SLC25A37: variants seen among roughly 807,000 people sequenced by gnomAD.
SLC25A37 encodes the protein mitoferrin-1.
A neutral mutation model predicts 31.0 loss-of-function variants in SLC25A37; 17 were observed. That is an observed-to-expected ratio of 0.55 (90% confidence interval 0.38 to 0.82). The LOEUF is 0.82. Ranked by LOEUF, SLC25A37 falls within the 40% of genes least tolerant of loss-of-function variation. SLC25A37 has a pLI of 0.00. For missense variants in SLC25A37, 404 were observed against 465.8 expected (o/e 0.87, Z 1.22); for synonymous variants, 222 against 193.0 (o/e 1.15, Z -1.24).
chr8:23,532,521 A>G (rs992502788), intron 1 of SLC25A37, among the ~76,000 whole-genome samples: 2 of 152,202 alleles, frequency 1.3e-5, no homozygotes, highest in Admixed American at 1.3e-4. Flanking sequence ...AATTCCAACC[A>G]GATTAGGCAC....
Position 23,566,300 on chromosome 8 carries a change from G to C in SLC25A37, c.403G>C (p.Val135Leu). 1 of 1,594,854 alleles carries C rather than the reference G, an allele frequency of 6.3e-7. No individual in the cohort carries two copies. Among genetic ancestry groups the C allele is most frequent in the Non-Finnish European group, 8.5e-7 (1 of 1,172,952 alleles). ...YENMKRTLND[V>L]FHHQGNSHLA... ...AAACATGAAAAGGACTTTAAATGAC[G>C]TTTTCCACCACCAAGGAAACAGCCA... Residue 135 changes from valine (V) to leucine (L), a missense_variant, in exon 2 of 4, where the codon GTT becomes CTT. By Grantham distance (32) the Val-to-Leu change is conservative (BLOSUM62 1). Transcript: ENST00000519973.
intron 1 of SLC25A37, among the ~76,000 whole-genome samples, chr8:23,538,028 T>G (rs1240010877): frequency 6.6e-6 from 1 of 150,986 alleles, no homozygotes; most frequent in Admixed American, 6.6e-5. Context: ...ATTGGTTGAA[T>G]GAAGGAAGGC....
At position 23,566,404 on chromosome 8, in the gene SLC25A37, C is replaced by T. The variant is rs566987315; in HGVS notation, c.439+68C>T. On this transcript the variant is annotated intron_variant, in intron 2 of 3. Transcript: ENST00000519973. ...TCAACACGTCCCTCCCCAGGGTGTT[C>T]CTCCCTGTGACCCAGCCGCCTCGAC... 60 of 1,538,812 alleles carry T rather than the reference C, an allele frequency of 3.9e-5. 2 individuals carry two copies. In the South Asian group the frequency reaches 4.4e-4, roughly 11 times the overall value.
chr8:23,552,050 ACC>A (rs1243480322), intron 1 of SLC25A37, among the ~76,000 whole-genome samples: 13 of 152,124 alleles, frequency 8.5e-5, no homozygotes. Flanking sequence ...TTCAATTCAA[ACC>A]TGCAATACTG....
chr8:23,552,722 A>C (rs1023692333), intron 1 of SLC25A37, among the ~76,000 whole-genome samples: 1 of 152,138 alleles, frequency 6.6e-6, no homozygotes, highest in Non-Finnish European at 1.5e-5. Flanking sequence ...GGTTGAACGC[A>C]GTTTCTTTGA....
rs1801620551 is a variant in SLC25A37 at position 23,529,489 on chromosome 8, G to C, written c.210+277G>C. On this transcript the variant is annotated intron_variant, in intron 1 of 3. Coordinates refer to ENST00000519973, the MANE Select transcript of SLC25A37 (RefSeq NM_016612.4). This position sits in a 1 kb window ranked among gnomAD's most constrained non-coding sequence, Gnocchi z 4.1. ...TGGCGGCGCTGAGGCGGGGGAGGCG[G>C]AGTGGCGAGCACCGCTGGCTTCGGC... Among the ~76,000 whole-genome samples, 1 of 151,924 alleles carries C rather than the reference G, an allele frequency of 6.6e-6. No homozygotes were observed. The highest frequency in any genetic ancestry group is 1.5e-5 in the Non-Finnish European group (1 of 67,918).
rs1801619795 is a variant in SLC25A37 at position 23,529,459 on chromosome 8, G to C, written c.210+247G>C. Among the ~76,000 whole-genome samples, 1 of 151,832 alleles carries C rather than the reference G, an allele frequency of 6.6e-6. No individual in the cohort carries two copies. Among genetic ancestry groups the C allele is most frequent in the Non-Finnish European group, 1.5e-5 (1 of 67,924 alleles). ...TGCTCCAGCCGCGTGCCCGGCCCCG[G>C]CTGCTGGCGGCGCTGAGGCGGGGGA... On this transcript the variant is annotated intron_variant, in intron 1 of 3. Transcript: ENST00000519973. The surrounding 1 kb of genome is among the most constrained non-coding windows in gnomAD (Gnocchi z 4.1).
chr8:23,546,593 ATATAGTGTATG>A (rs71299325), intron 1 of SLC25A37, among the ~76,000 whole-genome samples: 17,474 of 109,984 alleles, frequency 0.16, 1,737 homozygotes, highest in East Asian at 0.29. Flanking sequence ...GTGTATATAT[ATATAGTGTATG>A]TGTGTGTGTG....
chr8:23,553,177 T>C (rs896364748), intron 1 of SLC25A37, among the ~76,000 whole-genome samples: 2 of 152,184 alleles, frequency 1.3e-5, no homozygotes, highest in African/African-American at 4.8e-5. Flanking sequence ...TCCCAGCACT[T>C]TGGGAGGCCG....
chr8:23,530,901 C>T (rs763839276), intron 1 of SLC25A37, among the ~76,000 whole-genome samples: 11 of 152,176 alleles, frequency 7.2e-5, no homozygotes, highest in African/African-American at 9.7e-5. Flanking sequence ...GCGTTTCTCA[C>T]ACGTTTAAAT....
At chr8:23,551,098 G>T (rs1019923887) in intron 1 of SLC25A37, among the ~76,000 whole-genome samples, 1 of 152,236 alleles carries the variant, frequency 6.6e-6, no homozygotes, top group Non-Finnish European at 1.5e-5. Flanking sequence ...CTGGACTTCA[G>T]CACTGGTCAA....
At chr8:23,540,490 A>C (rs759249799) in intron 1 of SLC25A37, among the ~76,000 whole-genome samples, 2 of 152,212 alleles carry the variant, frequency 1.3e-5, no homozygotes, top group Non-Finnish European at 1.5e-5. Context: ...TCTAACGTAT[A>C]GTTAGGAGTT....
chr8:23,572,904 A>T lies in SLC25A37; in HGVS notation c.*1049A>T, dbSNP rs1237871966. The stretch of plus-strand genomic sequence containing the variant: ...CACTTAGAAGCCCTTGATAGGCAGC[A>T]TTTGGCGACTTGTGGGGCAGGTGTT... On this transcript the variant is annotated 3_prime_UTR_variant, in exon 4 of 4. Transcript: ENST00000519973. 1 of 152,260 alleles carries T rather than the reference A, an allele frequency of 6.6e-6. No individual in the cohort carries two copies. The highest frequency in any genetic ancestry group is 2.4e-5 in the African/African-American group (1 of 41,448). The allele number at this position is 152,260 out of a possible 1,614,324, so 9.4% of individuals were successfully genotyped here. A position where few individuals can be genotyped will look rare whatever the true frequency, so the allele number is the denominator to read the frequency against.
chr8:23,541,984 AGCCTGATTCACAGT>A (rs1801905547), intron 1 of SLC25A37: 1 of 152,268 alleles, frequency 6.6e-6, no homozygotes, highest in Non-Finnish European at 1.5e-5. Context: ...GGCTTGCGTT[AGCCTGATTCACAGT>A]AATGTGGCTC....
chr8:23,544,314 CCT>C, intron 1 of SLC25A37, among the ~76,000 whole-genome samples: 1 of 152,254 alleles, frequency 6.6e-6, no homozygotes, highest in Non-Finnish European at 1.5e-5. Flanking sequence ...GTAGCTATCC[CCT>C]CTCAATTTGT....
chr8:23,548,469 C>T (rs897158193), intron 1 of SLC25A37, among the ~76,000 whole-genome samples: 4 of 147,454 alleles, frequency 2.7e-5, no homozygotes, highest in Non-Finnish European at 5.9e-5. Context: ...TGAGCCACCA[C>T]GTCCGGGCTT....
chr8:23,568,382 A>G lies in SLC25A37; in HGVS notation c.496+4A>G. ...GCGGTAATGAATCCAGCAGAAGGTAATGTTTCATGGTCCCAGGGAGGGGCA... is the reference window on the plus strand; with the variant it reads ...GCGGTAATGAATCCAGCAGAAGGTAGTGTTTCATGGTCCCAGGGAGGGGCA... On this transcript the variant is annotated splice_donor_region_variant and intron_variant, in intron 3 of 3. Transcript: ENST00000519973. The G allele has an allele frequency of 1.2e-6, 2 of 1,613,868 alleles. No homozygotes were observed. Among genetic ancestry groups the G allele is most frequent in the Non-Finnish European group, 1.7e-6 (2 of 1,179,842 alleles).
intron 3 of SLC25A37, among the ~76,000 whole-genome samples, chr8:23,570,034 A>G (rs1802778567): frequency 6.7e-6 from 1 of 149,794 alleles, no homozygotes; most frequent in Non-Finnish European, 1.5e-5. Context: ...ATGTCCTAGC[A>G]GATAGAGGAC....
chr8:23,574,399 G>C lies in SLC25A37; in HGVS notation c.*2544G>C, dbSNP rs1379633826. 1 of 153,900 alleles carries C rather than the reference G, an allele frequency of 6.5e-6. No homozygotes were observed. Among genetic ancestry groups the C allele is most frequent in the Non-Finnish European group, 1.4e-5 (1 of 69,068 alleles). The allele number at this position is 153,900 out of a possible 1,614,324, so 9.5% of individuals were successfully genotyped here. Reference sequence around the variant, plus strand: ...GAGAATTGCTTGAACCCAGGAGGTGGAGGTTGCAGTGAGCTGAGATTGTGC... The same window carrying C: ...GAGAATTGCTTGAACCCAGGAGGTGCAGGTTGCAGTGAGCTGAGATTGTGC... On this transcript the variant is annotated 3_prime_UTR_variant, in exon 4 of 4. Transcript: ENST00000519973.
Sources: allele counts gnomAD v4.1 joint callset (sites outside exome capture counted in the v4.1 genomes callset), GRCh38; gene constraint gnomAD v4.1.1; non-coding constraint Gnocchi (gnomAD v3.1); transcripts MANE v1.5; gene names NCBI Gene and HGNC (gene_info 2026-07-23, HGNC 2026-07-21).